CAMKMT: variants seen among roughly 807,000 people sequenced by gnomAD.
CAMKMT encodes calmodulin-lysine N-methyltransferase.
A neutral mutation model predicts 48.0 loss-of-function variants in CAMKMT; 53 were observed. That is an observed-to-expected ratio of 1.10 (90% CI 0.89 to 1.39). The LOEUF (loss-of-function observed/expected upper bound fraction) is 1.39, where lower values mean the gene tolerates loss of function less well. Among genes scored for constraint, CAMKMT ranks in the 40% most tolerant of loss-of-function variants. The pLI is 0.00. For missense variants in CAMKMT, 428 were observed against 402.7 expected, an observed-to-expected ratio of 1.06 and a Z score of -0.54; for synonymous variants, 165 against 152.3, an observed-to-expected ratio of 1.08 and a Z score of -0.61.
chr2:44,497,883 G>A (rs939995220), intron 3 of CAMKMT, among the ~76,000 whole-genome samples: 8 of 152,116 alleles, frequency 5.3e-5, no homozygotes, highest in African/African-American at 1.9e-4. Flanking sequence ...CTTCTTACCA[G>A]AAGAGAAATC....
In CAMKMT at chr2:44,679,749, C is replaced by T. The variant is rs150661585; in HGVS notation, c.377-24534C>T. Among the ~76,000 whole-genome samples, 87 of 152,356 alleles carry T rather than the reference C, an allele frequency of 5.7e-4. 1 individual carries two copies. The East Asian group carries it at 0.016, about 29-fold the overall frequency. ...TTTCAGTACCAATTTAGCAATACCT[C>T]TGCTCTATTATCAGCAACATGCACA... On this transcript the variant is annotated intron_variant, in intron 3 of 10. Transcript: ENST00000378494.
chr2:44,720,775 A>C (rs1368409604), intron 7 of CAMKMT, among the ~76,000 whole-genome samples: 1 of 152,178 alleles, frequency 6.6e-6, no homozygotes, highest in Non-Finnish European at 1.5e-5. Context: ...ATAACTTTGT[A>C]ATATATTTTC....
chr2:44,441,150 T>C (rs1666633177), intron 3 of CAMKMT, among the ~76,000 whole-genome samples: 1 of 152,200 alleles, frequency 6.6e-6, no homozygotes, highest in South Asian at 2.1e-4. Flanking sequence ...ATCAAAACAC[T>C]TTTCCTGTGA....
intron 3 of CAMKMT, among the ~76,000 whole-genome samples, chr2:44,547,208 T>A (rs1282132669): frequency 6.6e-6 from 1 of 152,116 alleles, no homozygotes; most frequent in Non-Finnish European, 1.5e-5. Context: ...TTGAACAATA[T>A]CAGTAGTCTT....
chr2:44,510,991 C>T (rs984351527), intron 3 of CAMKMT, among the ~76,000 whole-genome samples: 4 of 152,072 alleles, frequency 2.6e-5, no homozygotes, highest in Admixed American at 2.6e-4. Context: ...CAGGAATGTG[C>T]CACTGTGCTC....
At chr2:44,672,587 T>C (rs766384152) in intron 3 of CAMKMT, among the ~76,000 whole-genome samples, 3 of 152,150 alleles carry the variant, frequency 2.0e-5, no homozygotes, top group Non-Finnish European at 4.4e-5. Flanking sequence ...AGAGCACCTA[T>C]TCATTCAAAG....
At chr2:44,771,999 A>G (rs754622406) in intron 10 of CAMKMT, 37 bp from the exon 11 acceptor site, 8 of 1,383,600 alleles carry the variant, frequency 5.8e-6, no homozygotes, top group Non-Finnish European at 8.2e-6. Flanking sequence ...CCCTAATTGG[A>G]GTCCCCTTAC....
intron 3 of CAMKMT, among the ~76,000 whole-genome samples, chr2:44,652,013 A>T (rs1008944265): frequency 6.6e-6 from 1 of 152,256 alleles, no homozygotes; most frequent in African/African-American, 2.4e-5. Flanking sequence ...GTATATGTGC[A>T]TTATATGATT....
intron 3 of CAMKMT, among the ~76,000 whole-genome samples, chr2:44,668,288 A>G (rs918992760): frequency 6.6e-6 from 1 of 152,164 alleles, no homozygotes; most frequent in Non-Finnish European, 1.5e-5. Flanking sequence ...TCCTTTGGTA[A>G]CAGTGAATGA....
chr2:44,398,016 T>G (rs542946601), intron 3 of CAMKMT, among the ~76,000 whole-genome samples: 1 of 152,346 alleles, frequency 6.6e-6, no homozygotes, highest in South Asian at 2.1e-4. Flanking sequence ...GAAAGTCTTT[T>G]TATTTTTCCC....
chr2:44,421,437 C>T lies in CAMKMT; in HGVS notation c.376+31132C>T, dbSNP rs577452516. On this transcript the variant is annotated intron_variant, in intron 3 of 10. Transcript: ENST00000378494. ...ATTCCTTTTTAGAAATGTATAAATACAATTATCCTTTAATAAATAAACATA... is the reference window on the plus strand; with the variant it reads ...ATTCCTTTTTAGAAATGTATAAATATAATTATCCTTTAATAAATAAACATA... Among the ~76,000 whole-genome samples the T allele has an allele frequency of 5.3e-5, 8 of 152,160 alleles. No individual in the cohort carries two copies. In the East Asian group the frequency reaches 1.5e-3, roughly 29 times the overall value.
chr2:44,436,028 A>G (rs577655587), intron 3 of CAMKMT, among the ~76,000 whole-genome samples: 2 of 152,052 alleles, frequency 1.3e-5, no homozygotes, highest in Admixed American at 6.6e-5. Flanking sequence ...ACCCAAGGTC[A>G]TTATAGATAG....
chr2:44,429,631 C>G (rs956115319), intron 3 of CAMKMT, among the ~76,000 whole-genome samples: 12 of 151,948 alleles, frequency 7.9e-5, no homozygotes, highest in East Asian at 3.9e-4. Context: ...GAAACCCCGT[C>G]TCTACTAAAA....
At chr2:44,436,298 G>A (rs1483213867) in intron 3 of CAMKMT, among the ~76,000 whole-genome samples, 2 of 151,988 alleles carry the variant, frequency 1.3e-5, no homozygotes, top group African/African-American at 2.4e-5. Context: ...GGCTGGTCTC[G>A]AACTCCTGAC....
intron 7 of CAMKMT, among the ~76,000 whole-genome samples, chr2:44,734,041 TA>T (rs1162445252): frequency 1.3e-5 from 2 of 152,086 alleles, no homozygotes. Flanking sequence ...TTTTCTCTAT[TA>T]TTTTTCTGTT....
At chr2:44,538,958 CTGTG>C (rs57970764) in intron 3 of CAMKMT, among the ~76,000 whole-genome samples, 39,792 of 139,846 alleles carry the variant, frequency 0.28, 6,049 homozygotes, top group Middle Eastern at 0.43. Flanking sequence ...GTGTGTGTGT[CTGTG>C]TGTGTGTGTG....
At position 44,760,584 on chromosome 2, in the gene CAMKMT, C is replaced by T. The variant is rs141629063; in HGVS notation, c.763-5846C>T. ...GGAGATTGCACCACTGCACTCCAGA[C>T]TGGGCAACAGAGCGAGATTCCATCT... On this transcript the variant is annotated intron_variant, in intron 9 of 10. Coordinates refer to ENST00000378494, the MANE Select transcript of CAMKMT (RefSeq NM_024766.5). Among the ~76,000 whole-genome samples, 573 of 140,226 alleles carry T rather than the reference C, an allele frequency of 4.1e-3. 4 individuals carry two copies. The highest frequency in any genetic ancestry group is 0.015 in the African/African-American group (539 of 36,606). The allele number at this position is 140,226 out of a possible 152,430, so 92.0% of individuals were successfully genotyped here.
chr2:44,471,930 C>G (rs890369062), intron 3 of CAMKMT, among the ~76,000 whole-genome samples: 1 of 152,116 alleles, frequency 6.6e-6, no homozygotes, highest in Non-Finnish European at 1.5e-5. Context: ...ATCCACCTGC[C>G]TGGGGCTCCC....
chr2:44,738,289 A>G (rs1405187264), intron 7 of CAMKMT, among the ~76,000 whole-genome samples: 7 of 152,212 alleles, frequency 4.6e-5, no homozygotes, highest in Admixed American at 4.6e-4. Context: ...CTTAAGGATT[A>G]CTGTCCTGTG....
Sources: gnomAD v4.1 joint callset for allele counts (sites outside exome capture counted in the v4.1 genomes callset) on GRCh38, gnomAD v4.1.1 for gene constraint, MANE v1.5 for transcripts, NCBI Gene and HGNC (gene_info 2026-07-23, HGNC 2026-07-21) for gene names.